NLGN1: variants seen among roughly 807,000 people sequenced by gnomAD.
The protein encoded by NLGN1 is neuroligin-1.
Under a neutral mutation model 65.5 loss-of-function variants are expected in NLGN1, and 12 were observed. The ratio of observed to expected loss-of-function variants is 0.18; its 90% CI spans 0.12 to 0.30. The LOEUF (loss-of-function observed/expected upper bound fraction) is 0.30, where lower values mean the gene tolerates loss of function less well. Among genes scored for constraint, NLGN1 ranks in the 10% least tolerant of loss-of-function variants. The pLI is 1.00. For missense variants in NLGN1, 750 were observed against 1,007.1 expected, an observed-to-expected ratio of 0.74 and a Z score of 3.46; for synonymous variants, 350 against 359.5, an observed-to-expected ratio of 0.97 and a Z score of 0.30.
intron 3 of NLGN1, among the ~76,000 whole-genome samples, chr3:173,756,422 A>G (rs567978424): frequency 6.6e-6 from 1 of 152,146 alleles, no homozygotes; most frequent in African/African-American, 2.4e-5. Flanking sequence ...GAGAAAGAAT[A>G]TGGAAGTATA....
At chr3:174,112,778 ATG>A (rs1715517909) in intron 4 of NLGN1, among the ~76,000 whole-genome samples, 2 of 151,928 alleles carry the variant, frequency 1.3e-5, no homozygotes, top group African/African-American at 4.8e-5. Flanking sequence ...AAATAAAAAT[ATG>A]ATTTATTTTT....
chr3:173,685,778 G>T (rs1276366790), intron 3 of NLGN1: 2 of 985,250 alleles, frequency 2.0e-6, no homozygotes, highest in Non-Finnish European at 2.4e-6. Context: ...TTTTGTATGT[G>T]CTGTGTCAAA....
chr3:173,990,757 T>C (rs1357095683), intron 4 of NLGN1, among the ~76,000 whole-genome samples: 3 of 152,146 alleles, frequency 2.0e-5, no homozygotes, highest in African/African-American at 7.2e-5. Context: ...TTATGAATAT[T>C]CATATTCATA....
intron 4 of NLGN1, among the ~76,000 whole-genome samples, chr3:173,861,712 G>C (rs1360479655): frequency 1.3e-5 from 2 of 151,734 alleles, no homozygotes; most frequent in African/African-American, 4.8e-5. Context: ...AAGATGTGGG[G>C]ATAGTATGTG....
intron 4 of NLGN1, among the ~76,000 whole-genome samples, chr3:174,049,842 A>C (rs1047927812): frequency 2.0e-5 from 3 of 152,140 alleles, no homozygotes; most frequent in Non-Finnish European, 4.4e-5. Context: ...AAATAAGCTA[A>C]GTAATCAATA....
At chr3:173,780,896 C>T (rs1382695411) in intron 3 of NLGN1, among the ~76,000 whole-genome samples, 2 of 152,016 alleles carry the variant, frequency 1.3e-5, no homozygotes, top group South Asian at 4.1e-4. Flanking sequence ...AATCCCAGCA[C>T]TTTGGGAGGC....
At chr3:173,778,634 A>G (rs1165712162) in intron 3 of NLGN1, among the ~76,000 whole-genome samples, 2 of 151,910 alleles carry the variant, frequency 1.3e-5, no homozygotes, top group African/African-American at 4.8e-5. Context: ...TTAAACCTTC[A>G]TAATTTTTAT....
chr3:174,145,976 C>T (rs1723146432), intron 4 of NLGN1, among the ~76,000 whole-genome samples: 1 of 152,244 alleles, frequency 6.6e-6, no homozygotes, highest in Admixed American at 6.5e-5. Context: ...TGTGCACACA[C>T]TTGTGCCTGC....
At chr3:173,897,714 C>T (rs552549399) in intron 4 of NLGN1, among the ~76,000 whole-genome samples, 1 of 152,202 alleles carries the variant, frequency 6.6e-6, no homozygotes, top group East Asian at 1.9e-4. Flanking sequence ...GCAAGATAAA[C>T]AATAGATATC....
chr3:173,987,404 C>T (rs906123499), intron 4 of NLGN1, among the ~76,000 whole-genome samples: 1 of 152,086 alleles, frequency 6.6e-6, no homozygotes, highest in Admixed American at 6.5e-5. Flanking sequence ...AATTAGGTCA[C>T]CATTTATGTT....
chr3:173,888,726 G>A (rs1053450132), intron 4 of NLGN1, among the ~76,000 whole-genome samples: 5 of 152,086 alleles, frequency 3.3e-5, no homozygotes, highest in Admixed American at 6.6e-5. Flanking sequence ...TTATCGTGAC[G>A]TATTTTTTTC....
chr3:173,419,990 A>AATAAAATAAT (rs1714683304), intron 1 of NLGN1, among the ~76,000 whole-genome samples: 1 of 143,526 alleles, frequency 7.0e-6, no homozygotes, highest in African/African-American at 2.6e-5. Context: ...AATAAAATAA[A>AATAAAATAAT]ATAAAATAAA....
chr3:173,619,466 A>T (rs1753650305), intron 3 of NLGN1, among the ~76,000 whole-genome samples: 1 of 152,176 alleles, frequency 6.6e-6, no homozygotes, highest in Admixed American at 6.6e-5. Context: ...GGTACTTGTC[A>T]TAGGGGACAA....
chr3:173,796,012 A>C (rs989780769), intron 3 of NLGN1, among the ~76,000 whole-genome samples: 2 of 152,122 alleles, frequency 1.3e-5, no homozygotes, highest in Admixed American at 6.6e-5. Flanking sequence ...ATCCTAAAAA[A>C]TTCAGAGGCT....
intron 2 of NLGN1, among the ~76,000 whole-genome samples, chr3:173,571,368 C>T (rs547358511): frequency 2.0e-5 from 3 of 152,260 alleles, no homozygotes; most frequent in South Asian, 2.1e-4. Context: ...ATATTACCTA[C>T]GCTGAAAGCT....
At chr3:173,904,241 C>T (rs1737917937) in intron 4 of NLGN1, among the ~76,000 whole-genome samples, 1 of 152,078 alleles carries the variant, frequency 6.6e-6, no homozygotes, top group Non-Finnish European at 1.5e-5. Flanking sequence ...CTCCCTTTCT[C>T]ATTTTTTAAT....
chr3:174,082,413 C>T (rs190329408), intron 4 of NLGN1, among the ~76,000 whole-genome samples: 21 of 152,092 alleles, frequency 1.4e-4, no homozygotes, highest in African/African-American at 5.1e-4. Flanking sequence ...GGCTTATTAA[C>T]ACTAGCTTTA....
At chr3:173,869,781 T>C (rs1730833869) in intron 4 of NLGN1, among the ~76,000 whole-genome samples, 1 of 152,178 alleles carries the variant, frequency 6.6e-6, no homozygotes, top group Admixed American at 6.5e-5. Context: ...GGAATTAAAA[T>C]ACGTATCCTA....
chr3:173,876,403 GGTTT>G (rs371373976), intron 4 of NLGN1, among the ~76,000 whole-genome samples: 28 of 151,998 alleles, frequency 1.8e-4, no homozygotes, highest in African/African-American at 3.9e-4. Context: ...TAATGTTCAG[GGTTT>G]GTTTGTTTGC....
Sources: allele counts gnomAD v4.1 joint callset (sites outside exome capture counted in the v4.1 genomes callset), GRCh38; gene constraint gnomAD v4.1.1; transcripts MANE v1.5; gene names NCBI Gene and HGNC (gene_info 2026-07-23, HGNC 2026-07-21).